Variants in EFL1 observed in about 807,000 individuals in gnomAD.
EFL1 encodes the protein elongation factor like GTPase 1, also known as elongation factor-like GTPase 1.
EFL1 carries 76 observed loss-of-function variants against 126.7 expected under a neutral mutation model. The ratio of observed to expected loss-of-function variants is 0.60; its 90% CI spans 0.50 to 0.73. The LOEUF (loss-of-function observed/expected upper bound fraction) is 0.73, where lower values mean the gene tolerates loss of function less well. Ranked by LOEUF, EFL1 falls within the 30% of genes least tolerant of loss-of-function variation. The pLI is 0.00. For synonymous variants in EFL1, 410 were observed against 448.4 expected (o/e 0.91, Z 1.08); for missense variants, 1,128 against 1,343.2 (o/e 0.84, Z 2.50).
chr15:82,186,696 G>A (rs535505220), intron 15 of EFL1, among the ~76,000 whole-genome samples: 17 of 152,124 alleles, frequency 1.1e-4, no homozygotes, highest in Non-Finnish European at 1.9e-4. Context: ...CTTATGAGCC[G>A]ACAGTTTTCC....
chr15:82,256,067 A>G (rs1312561654), intron 3 of EFL1, among the ~76,000 whole-genome samples: 2 of 152,160 alleles, frequency 1.3e-5, no homozygotes, highest in Non-Finnish European at 2.9e-5. Context: ...AATATGGTAT[A>G]TCCTTCCATT....
chr15:82,131,035 G>A (rs1051186251), intron 19 of EFL1, among the ~76,000 whole-genome samples: 1 of 151,980 alleles, frequency 6.6e-6, no homozygotes, highest in African/African-American at 2.4e-5. Context: ...AAAAAAGTAT[G>A]AAGAATCATG....
intron 15 of EFL1, among the ~76,000 whole-genome samples, chr15:82,182,441 C>T (rs1202266460): frequency 6.6e-6 from 1 of 152,164 alleles, no homozygotes; most frequent in African/African-American, 2.4e-5. Flanking sequence ...TATAAAGTAA[C>T]AGGTTCCTTT....
At chr15:82,224,595 C>T (rs1269108958) in intron 12 of EFL1, among the ~76,000 whole-genome samples, 1 of 152,106 alleles carries the variant, frequency 6.6e-6, no homozygotes, top group Non-Finnish European at 1.5e-5. Flanking sequence ...GGAGAACCAG[C>T]TAGGAGGTTG....
At chr15:82,163,754 T>C (rs1473068004) in intron 16 of EFL1, 99 bp downstream of exon 16, 5 of 1,398,426 alleles carry the variant, frequency 3.6e-6, no homozygotes, top group Non-Finnish European at 4.8e-6. Flanking sequence ...AAATTCATTA[T>C]ATACTGCTGA....
intron 18 of EFL1, among the ~76,000 whole-genome samples, chr15:82,148,759 G>A (rs2141224825): frequency 6.6e-6 from 1 of 152,234 alleles, no homozygotes; most frequent in Non-Finnish European, 1.5e-5. Flanking sequence ...TGAATAGTAA[G>A]GTAGGTGCCA....
intron 19 of EFL1, among the ~76,000 whole-genome samples, chr15:82,136,337 CA>C (rs1332719857): frequency 1.3e-5 from 2 of 152,164 alleles, no homozygotes; most frequent in Non-Finnish European, 2.9e-5. Context: ...CAGTTTTATG[CA>C]CAAGTGTTAA....
At chr15:82,243,547 A>C (rs2074943857) in intron 4 of EFL1, among the ~76,000 whole-genome samples, 1 of 42,734 alleles carries the variant, frequency 2.3e-5, no homozygotes, top group African/African-American at 1.0e-4. Context: ...TTAGAGTGGG[A>C]GAACTTCAAG....
rs377357859 is a variant in EFL1 at position 82,163,899 on chromosome 15, G to A, written c.1836C>T (p.Phe612=). The change falls in exon 16 of 20, where the codon TTC becomes TTT. Residue 612 remains phenylalanine (F), a synonymous_variant. Transcript: ENST00000268206. ...PSCPPFIPLN[F]EATPIVRVAV... is the part of the protein sequence containing the mutation. ...CAACTCTCACAATAGGAGTGGCTTC[G>A]AAGTTGAGTGGTATAAATGGTGGGC... The A allele has an allele frequency of 7.2e-5, 116 of 1,614,128 alleles. No individual in the cohort carries two copies. In the East Asian group the frequency reaches 1.8e-3, roughly 25 times the overall value.
chr15:82,139,602 T>C (rs1389548852), intron 18 of EFL1, among the ~76,000 whole-genome samples: 1 of 152,190 alleles, frequency 6.6e-6, no homozygotes, highest in Non-Finnish European at 1.5e-5. Context: ...TCCTTTCAAC[T>C]AGTAAGGAGA....
At chr15:82,153,321 G>A (rs775924970) in intron 17 of EFL1, among the ~76,000 whole-genome samples, 11 of 152,096 alleles carry the variant, frequency 7.2e-5, no homozygotes, top group Non-Finnish European at 1.3e-4. Context: ...GACATTGTAT[G>A]TTTTTAAAAC....
At chr15:82,207,610 A>G (rs2074539242) in intron 15 of EFL1, among the ~76,000 whole-genome samples, 1 of 152,170 alleles carries the variant, frequency 6.6e-6, no homozygotes, top group African/African-American at 2.4e-5. Context: ...CACAATTTTA[A>G]AAAATATGCA....
At chr15:82,213,323 T>C (rs771770626) in intron 15 of EFL1, among the ~76,000 whole-genome samples, 4 of 152,212 alleles carry the variant, frequency 2.6e-5, no homozygotes, top group Admixed American at 1.3e-4. Flanking sequence ...AAGGTATATC[T>C]CTTCTCCAAG....
chr15:82,162,613 C>A (rs1044139793), intron 16 of EFL1, among the ~76,000 whole-genome samples: 2 of 152,148 alleles, frequency 1.3e-5, no homozygotes, highest in African/African-American at 4.8e-5. Context: ...CGTGTAGCAA[C>A]CAAGGCACTG....
intron 15 of EFL1, among the ~76,000 whole-genome samples, chr15:82,210,935 A>C (rs2074577591): frequency 6.6e-6 from 1 of 151,974 alleles, no homozygotes. Flanking sequence ...AGAATGGCAG[A>C]TGCTTGAAAA....
chr15:82,170,310 T>A (rs1283918961), intron 15 of EFL1, among the ~76,000 whole-genome samples: 1 of 151,546 alleles, frequency 6.6e-6, no homozygotes, highest in African/African-American at 2.4e-5. Context: ...GAGACGGGGT[T>A]TCACCGTTTT....
chr15:82,188,834 AT>A (rs923115602), intron 15 of EFL1, among the ~76,000 whole-genome samples: 1 of 150,362 alleles, frequency 6.7e-6, no homozygotes, highest in African/African-American at 2.4e-5. Context: ...CTGCAGTACT[AT>A]TTTAAGCAGT....
At position 82,219,013 on chromosome 15, in the gene EFL1, T is replaced by C. The variant is rs2074680460; in HGVS notation, c.1611+639A>G. Among the ~76,000 whole-genome samples the C allele has an allele frequency of 3.3e-5, 5 of 152,354 alleles. No homozygotes were observed. In the South Asian group the frequency reaches 1.0e-3, roughly 32 times the overall value. ...CTGACAATTTCCTAGCTTACTGCTT[T>C]GTGCTGATCCAGACTGGCTGCTTGG... is the stretch of plus-strand genomic sequence containing the variant. On this transcript the variant is annotated intron_variant, in intron 14 of 19. Coordinates refer to ENST00000268206, the MANE Select transcript of EFL1 (RefSeq NM_024580.6).
At chr15:82,238,162 G>A in intron 7 of EFL1, 145 bp downstream of exon 7, 1 of 833,902 alleles carries the variant, frequency 1.2e-6, no homozygotes, top group Non-Finnish European at 1.8e-6. Context: ...GGCAGTTACT[G>A]GGTAAAGGGC....
Sources: gnomAD v4.1 joint callset for allele counts (sites outside exome capture counted in the v4.1 genomes callset) on GRCh38, gnomAD v4.1.1 for gene constraint, MANE v1.5 for transcripts, NCBI Gene and HGNC (gene_info 2026-07-23, HGNC 2026-07-21) for gene names.